Variants in FGD4 observed in about 807,000 individuals in gnomAD.
FGD4 encodes FYVE, RhoGEF and PH domain containing 4, also known as FYVE, RhoGEF and PH domain-containing protein 4.
A neutral mutation model predicts 102.0 loss-of-function variants in FGD4; 42 were observed. The ratio of observed to expected loss-of-function variants is 0.41; its 90% confidence interval spans 0.32 to 0.53. The LOEUF (loss-of-function observed/expected upper bound fraction) is 0.53. Among genes scored for constraint, FGD4 ranks in the 20% least tolerant of loss-of-function variants. The probability of loss-of-function intolerance (pLI) is 0.21; values close to 1 mark genes in which losing one functional copy is unlikely to be tolerated. For synonymous variants in FGD4, 380 were observed against 375.7 expected, an observed-to-expected ratio of 1.01 and a Z score of -0.13; for missense variants, 902 against 1,078.2, an observed-to-expected ratio of 0.84 and a Z score of 2.29.
At chr12:32,427,884 C>T (rs977594393) in intron 1 of FGD4, among the ~76,000 whole-genome samples, 1 of 152,104 alleles carries the variant, frequency 6.6e-6, no homozygotes, top group Non-Finnish European at 1.5e-5. Flanking sequence ...AGGATTGCAA[C>T]TCCTGCTTTT....
chr12:32,400,108 A>AC, intron 1 of FGD4, 149 bp downstream of exon 1: 3 of 1,176,656 alleles, frequency 2.5e-6, no homozygotes, highest in Non-Finnish European at 3.4e-6. Context: ...GCGCTCGGCC[A>AC]CCCACTCCCT....
intron 4 of FGD4, among the ~76,000 whole-genome samples, chr12:32,583,247 G>A (rs1375136598): frequency 6.6e-6 from 1 of 152,138 alleles, no homozygotes; most frequent in Non-Finnish European, 1.5e-5. Context: ...TGAGGTGGGA[G>A]AATTTCTTGA....
Position 32,643,912 on chromosome 12 carries a change from T to A in FGD4, c.*3379T>A, listed in dbSNP as rs1003055687. On this transcript the variant is annotated 3_prime_UTR_variant, in exon 17 of 17. Coordinates refer to ENST00000534526, the MANE Select transcript of FGD4 (RefSeq NM_001370298.3). ...AAGTTCTTAATCTGAGCATATTGTCTGTGATAAATTTCTGATGATCTTTCT... is the reference window on the plus strand; with the variant it reads ...AAGTTCTTAATCTGAGCATATTGTCAGTGATAAATTTCTGATGATCTTTCT... 1.3e-5 allele frequency: 2 copies of A among 152,136 alleles called. No homozygotes were observed. Among genetic ancestry groups the A allele is most frequent in the African/African-American group, 4.8e-5 (2 of 41,458 alleles). The allele number at this position is 152,136 out of a possible 1,614,324, so 9.4% of individuals were successfully genotyped here.
chr12:32,497,962 T>C (rs1937925296), intron 1 of FGD4, among the ~76,000 whole-genome samples: 1 of 152,214 alleles, frequency 6.6e-6, no homozygotes, highest in Non-Finnish European at 1.5e-5. Context: ...TTCTCATAAT[T>C]TTAGAGCTGA....
intron 1 of FGD4, chr12:32,511,334 CAG>C (rs1328559759): frequency 6.6e-6 from 1 of 152,244 alleles, no homozygotes; most frequent in Non-Finnish European, 1.5e-5. Flanking sequence ...TTTTTTGAGA[CAG>C]AGTCTCGCTC....
In FGD4 at chr12:32,595,362, C is replaced by T. The variant is rs75184852; in HGVS notation, c.1012-3135C>T. Among the ~76,000 whole-genome samples the T allele has an allele frequency of 9.0e-3, 1,371 of 152,188 alleles. 20 individuals carry two copies. The highest frequency in any genetic ancestry group is 0.03 in the African/African-American group (1,233 of 41,510). Reference sequence around the variant, plus strand: ...TTCTGGCCACAAGTAACACTAAGCCCGGCCTAAACAATAATGAAGTTTATT... The same window carrying T: ...TTCTGGCCACAAGTAACACTAAGCCTGGCCTAAACAATAATGAAGTTTATT... On this transcript the variant is annotated intron_variant, in intron 4 of 16. Coordinates refer to ENST00000534526, the MANE Select transcript of FGD4 (RefSeq NM_001370298.3).
chr12:32,577,608 A>G (rs1055379369), intron 3 of FGD4, among the ~76,000 whole-genome samples: 2 of 152,218 alleles, frequency 1.3e-5, no homozygotes, highest in African/African-American at 2.4e-5. Context: ...CCTGTCTTCA[A>G]TTTTCATTCC....
chr12:32,564,380 T>C, intron 2 of FGD4, 91 bp downstream of exon 2: 8 of 1,446,140 alleles, frequency 5.5e-6, no homozygotes, highest in Non-Finnish European at 7.3e-6. Flanking sequence ...GAAAGTGTTT[T>C]AAGCTAGAAG....
At chr12:32,432,926 T>C (rs143648832) in intron 1 of FGD4, among the ~76,000 whole-genome samples, 41 of 152,316 alleles carry the variant, frequency 2.7e-4, no homozygotes, top group African/African-American at 9.6e-4. Context: ...CTAGTTTACA[T>C]AGAAACTTTA....
chr12:32,538,290 A>AATAG (rs1457728753), intron 1 of FGD4, among the ~76,000 whole-genome samples: 1 of 152,222 alleles, frequency 6.6e-6, no homozygotes, highest in African/African-American at 2.4e-5. Flanking sequence ...AAAGGTAACT[A>AATAG]ATAGATACTG....
At chr12:32,441,050 C>T (rs1321588095) in intron 1 of FGD4, among the ~76,000 whole-genome samples, 1 of 152,140 alleles carries the variant, frequency 6.6e-6, no homozygotes, top group Non-Finnish European at 1.5e-5. Flanking sequence ...GGGAAGTGGG[C>T]TCCCCTCTGG....
chr12:32,425,604 TGAA>T (rs1384699035), intron 1 of FGD4, among the ~76,000 whole-genome samples: 2 of 152,234 alleles, frequency 1.3e-5, no homozygotes, highest in Non-Finnish European at 2.9e-5. Context: ...TCTAATTCTG[TGAA>T]GAAAGTCAGT....
Position 32,582,209 on chromosome 12 carries a change from T to G in FGD4, c.753T>G (p.Thr251=). ...EEKAATLSSD[T]SIQASEPLLD... ...AAGCTGCCACTCTTAGCTCAGATAC[T>G]TCTATTCAAGCTTCTGAACCCTTGC... The change falls in exon 4 of 17, where the codon ACT becomes ACG. Residue 251 remains threonine, a synonymous_variant. Transcript: ENST00000534526. 1.9e-6 allele frequency: 3 copies of G among 1,614,222 alleles called. No homozygotes were observed. Among genetic ancestry groups the G allele is most frequent in the African/African-American group, 1.3e-5 (1 of 75,068 alleles).
At chr12:32,613,870 AC>A (rs1187158698) in intron 10 of FGD4, among the ~76,000 whole-genome samples, 1 of 152,226 alleles carries the variant, frequency 6.6e-6, no homozygotes, top group Non-Finnish European at 1.5e-5. Flanking sequence ...CATCAAACTT[AC>A]GGTGAAGTTT....
chr12:32,512,544 A>C (rs1939488505), intron 1 of FGD4, among the ~76,000 whole-genome samples: 1 of 152,112 alleles, frequency 6.6e-6, no homozygotes, highest in Admixed American at 6.5e-5. Context: ...TCACACGCCA[A>C]GCCCCTATCA....
At chr12:32,560,701 T>A (rs531120935) in intron 1 of FGD4, among the ~76,000 whole-genome samples, 1 of 152,108 alleles carries the variant, frequency 6.6e-6, no homozygotes. Context: ...TTTTTTTTTC[T>A]TTTCTCAGAG....
intron 2 of FGD4, among the ~76,000 whole-genome samples, chr12:32,569,475 A>T (rs1287459688): frequency 6.6e-6 from 1 of 152,126 alleles, no homozygotes; most frequent in Admixed American, 6.6e-5. Context: ...CCTGGCTGTC[A>T]TTCCATCTGC....
At chr12:32,614,787 C>T (rs141294288) in intron 10 of FGD4, among the ~76,000 whole-genome samples, 23 of 152,332 alleles carry the variant, frequency 1.5e-4, no homozygotes, top group Non-Finnish European at 2.8e-4. Context: ...TCAAGACCCT[C>T]AGTTCTTTAG....
intron 1 of FGD4, among the ~76,000 whole-genome samples, chr12:32,496,766 A>G (rs1021240855): frequency 3.3e-5 from 5 of 152,218 alleles, no homozygotes; most frequent in Non-Finnish European, 7.3e-5. Context: ...CCAATTATCT[A>G]TGAATCACTT....
Sources: gnomAD v4.1 joint callset for allele counts (sites outside exome capture counted in the v4.1 genomes callset) on GRCh38, gnomAD v4.1.1 for gene constraint, MANE v1.5 for transcripts, NCBI Gene and HGNC (gene_info 2026-07-23, HGNC 2026-07-21) for gene names.